TRPM8: variants seen among roughly 807,000 people sequenced by gnomAD.
TRPM8 encodes TRPM8 cationic channel.
Under a neutral mutation model 133.7 loss-of-function variants are expected in TRPM8, and 110 were observed. The observed-to-expected ratio is 0.82, with a 90% CI of 0.70 to 0.96. The LOEUF is 0.96. Among genes scored for constraint, TRPM8 ranks in the 40% least tolerant of loss-of-function variants. The pLI, the probability that TRPM8 is intolerant of heterozygous loss-of-function variation, is 0.00. For synonymous variants in TRPM8, 535 were observed against 532.3 expected, an observed-to-expected ratio of 1.01 and a Z score of -0.07; for missense variants, 1,291 against 1,379.5, an observed-to-expected ratio of 0.94 and a Z score of 1.02.
chr2:233,996,480 TGCTG>T lies in TRPM8; in HGVS notation c.3095_3098del (p.Cys1032SerfsTer27). On this transcript the variant is annotated frameshift_variant, in exon 22 of 26. Coordinates refer to ENST00000324695, the MANE Select transcript of TRPM8 (RefSeq NM_024080.5). LOFTEE classifies it high-confidence loss of function. Reference sequence around the variant, plus strand: ...GGTGGTGAAGAAGTGCTTCAAGTGTTGCTGCAAGGAGAAAAACATGGAGTCTTCT... The same window carrying T: ...GGTGGTGAAGAAGTGCTTCAAGTGTTCAAGGAGAAAAACATGGAGTCTTCT... The T allele has an allele frequency of 6.2e-7, 1 of 1,614,228 alleles. No homozygotes were observed. Among genetic ancestry groups the T allele is most frequent in the Non-Finnish European group, 8.5e-7 (1 of 1,180,052 alleles).
chr2:233,931,327 C>T (rs1457764209), intron 3 of TRPM8, among the ~76,000 whole-genome samples: 2 of 152,146 alleles, frequency 1.3e-5, no homozygotes, highest in African/African-American at 2.4e-5. Flanking sequence ...GCATTTGAAT[C>T]TAATTAAACA....
chr2:233,921,427 T>C (rs1691403972), intron 1 of TRPM8, among the ~76,000 whole-genome samples: 1 of 152,076 alleles, frequency 6.6e-6, no homozygotes, highest in Non-Finnish European at 1.5e-5. Context: ...AGCTTGTAAT[T>C]GACTATGTTC....
intron 11 of TRPM8, among the ~76,000 whole-genome samples, chr2:233,958,600 C>T (rs747054022): frequency 6.6e-6 from 1 of 152,170 alleles, no homozygotes; most frequent in Non-Finnish European, 1.5e-5. Flanking sequence ...GTGGAAAGGC[C>T]ATTGGATTTA....
intron 1 of TRPM8, among the ~76,000 whole-genome samples, chr2:233,921,132 A>G (rs1691397408): frequency 6.6e-6 from 1 of 152,134 alleles, no homozygotes; most frequent in Non-Finnish European, 1.5e-5. Context: ...AAGTGCTCGG[A>G]TTACAGGCAT....
chr2:233,920,475 T>G (rs17862921), intron 1 of TRPM8, among the ~76,000 whole-genome samples: 11,813 of 152,286 alleles, frequency 0.078, 584 homozygotes, highest in Middle Eastern at 0.15. Flanking sequence ...CTTAGCTATC[T>G]CTCTGTGAAG....
At chr2:234,014,197 A>T (rs12476648) in intron 24 of TRPM8, among the ~76,000 whole-genome samples, 5,886 of 152,236 alleles carry the variant, frequency 0.039, 231 homozygotes, top group Admixed American at 0.083. Context: ...AGCAAAACTT[A>T]ATTAGTATCT....
chr2:234,004,337 C>T (rs758084755), intron 22 of TRPM8, among the ~76,000 whole-genome samples: 3 of 152,226 alleles, frequency 2.0e-5, no homozygotes, highest in Non-Finnish European at 4.4e-5. Flanking sequence ...GCCCCACTTT[C>T]TGACTGCAGA....
At chr2:233,932,244 T>C (rs189380768) in intron 3 of TRPM8, among the ~76,000 whole-genome samples, 2 of 152,352 alleles carry the variant, frequency 1.3e-5, no homozygotes, top group African/African-American at 4.8e-5. Context: ...CTGTTGTTCC[T>C]GCCCTTCTCT....
intron 3 of TRPM8, among the ~76,000 whole-genome samples, 184 bp downstream of exon 3, chr2:233,930,925 A>G (rs969625646): frequency 6.6e-6 from 1 of 152,164 alleles, no homozygotes; most frequent in Admixed American, 6.5e-5. Context: ...GAGCTATACA[A>G]TTTTGTTTGG....
intron 3 of TRPM8, among the ~76,000 whole-genome samples, chr2:233,936,450 A>C (rs566967132): frequency 6.6e-6 from 1 of 152,274 alleles, no homozygotes; most frequent in Non-Finnish European, 1.5e-5. Flanking sequence ...TCTCGTGTTC[A>C]TTTACCGCAC....
intron 12 of TRPM8, among the ~76,000 whole-genome samples, chr2:233,962,629 G>C (rs1342230277): frequency 1.3e-5 from 2 of 152,194 alleles, no homozygotes; most frequent in African/African-American, 4.8e-5. Context: ...GCAGGAATTG[G>C]AAGTGTTTAG....
At chr2:233,956,826 T>C (rs1039110388) in intron 11 of TRPM8, among the ~76,000 whole-genome samples, 8 of 152,218 alleles carry the variant, frequency 5.3e-5, no homozygotes, top group Non-Finnish European at 1.2e-4. Context: ...TGCAAGGCTT[T>C]AATTAGTGGA....
At chr2:233,944,112 A>G (rs1025579839) in intron 6 of TRPM8, among the ~76,000 whole-genome samples, 7 of 152,248 alleles carry the variant, frequency 4.6e-5, no homozygotes, top group Middle Eastern at 6.8e-3. Flanking sequence ...TCAAGCTTTT[A>G]TAATAATAAC....
chr2:234,010,042 T>G (rs562359350), intron 24 of TRPM8, among the ~76,000 whole-genome samples: 1 of 152,316 alleles, frequency 6.6e-6, no homozygotes, highest in Non-Finnish European at 1.5e-5. Flanking sequence ...TACAATGTTG[T>G]TAACTATTGT....
At chr2:233,923,252 A>G (rs1380240177) in intron 1 of TRPM8, among the ~76,000 whole-genome samples, 8 of 152,198 alleles carry the variant, frequency 5.3e-5, no homozygotes, top group Admixed American at 5.2e-4. Flanking sequence ...AGACCCAGTG[A>G]GGTTTTTATT....
In TRPM8 at chr2:234,008,100, A is replaced by G. The variant is rs768943872; in HGVS notation, c.3261A>G (p.Thr1087=). ...GGCATCGATTTAGACAACTGGATAC[A>G]AAGGTATGGTTCTGTTAATAGTTTG... ...EMRHRFRQLD[T]KLNDLKGLLK... is the part of the protein sequence containing the mutation. Residue 1087 remains threonine (T), a synonymous_variant, in exon 24 of 26, where the codon ACA becomes ACG. Transcript: ENST00000324695. The G allele has an allele frequency of 1.9e-6, 3 of 1,602,810 alleles. No individual in the cohort carries two copies. Among genetic ancestry groups the G allele is most frequent in the East Asian group, 2.2e-5 (1 of 44,808 alleles).
chr2:234,009,328 C>G (rs1423204555), intron 24 of TRPM8, among the ~76,000 whole-genome samples: 2 of 152,152 alleles, frequency 1.3e-5, no homozygotes, highest in Non-Finnish European at 2.9e-5. Context: ...TTTGGAGTGA[C>G]TTCGGAGGGA....
chr2:233,981,677 C>T, intron 18 of TRPM8, 97 bp from the exon 19 acceptor site: 1 of 1,306,174 alleles, frequency 7.7e-7, no homozygotes, highest in Non-Finnish European at 1.0e-6. Flanking sequence ...AACCTTCCAG[C>T]TCTTGCCTGT....
intron 11 of TRPM8, among the ~76,000 whole-genome samples, chr2:233,958,981 G>A (rs534087946): frequency 6.8e-6 from 1 of 146,080 alleles, no homozygotes; most frequent in East Asian, 2.1e-4. Context: ...CCCACTGATG[G>A]TTCCCATGTT....
Sources: allele counts gnomAD v4.1 joint callset (sites outside exome capture counted in the v4.1 genomes callset), GRCh38; gene constraint gnomAD v4.1.1; transcripts MANE v1.5; gene names NCBI Gene and HGNC (gene_info 2026-07-23, HGNC 2026-07-21).